Variants in LHFPL3 observed in about 807,000 individuals in gnomAD.
The protein encoded by LHFPL3 is LHFPL tetraspan subfamily member 3 protein.
In LHFPL3, 5 loss-of-function variants were observed where a neutral mutation model predicts 19.3. The observed-to-expected ratio is 0.26, with a 90% confidence interval of 0.14 to 0.54. LHFPL3 has a LOEUF of 0.54. LHFPL3 is among the 20% of genes least tolerant of loss of function. The pLI is 0.94. For synonymous variants in LHFPL3, 133 were observed against 126.2 expected, an observed-to-expected ratio of 1.05 and a Z score of -0.36; for missense variants, 249 against 307.4, an observed-to-expected ratio of 0.81 and a Z score of 1.42.
chr7:104,888,333 C>G (rs992663763), intron 2 of LHFPL3, among the ~76,000 whole-genome samples: 3 of 151,986 alleles, frequency 2.0e-5, no homozygotes, highest in Non-Finnish European at 4.4e-5. Flanking sequence ...AGTTTGGAAA[C>G]CAGCCTGGAC....
chr7:104,409,357 C>G (rs1025955458), intron 1 of LHFPL3, among the ~76,000 whole-genome samples: 1 of 151,284 alleles, frequency 6.6e-6, no homozygotes, highest in Non-Finnish European at 1.5e-5. Context: ...TGAAAGTTAT[C>G]AAGTCTTACA....
At chr7:104,479,878 A>C (rs180777042) in intron 1 of LHFPL3, among the ~76,000 whole-genome samples, 4 of 152,348 alleles carry the variant, frequency 2.6e-5, no homozygotes, top group African/African-American at 7.2e-5. Context: ...TTGGTGGAGC[A>C]GCTTATTCTT....
rs1562895151 is a variant in LHFPL3, at chr7:104,430,406, A to ATGTATATATATATATATATATG, written c.445+101183_445+101184insGTATATATATATATATATATGT. Among the ~76,000 whole-genome samples the ATGTATATATATATATATATATG allele has an allele frequency of 1.0e-3, 32 of 31,358 alleles. 1 individual carries two copies. The highest frequency in any genetic ancestry group is 0.011 in the Middle Eastern group (1 of 90). 20.6% of individuals were successfully genotyped at this position (31,358 alleles called of 152,430 possible). ...TACATATATATATATATATATATAC[A>ATGTATATATATATATATATATG]TATATATATATACATATATATATAT... On this transcript the variant is annotated intron_variant, in intron 1 of 2. Coordinates refer to ENST00000424859, the MANE Select transcript of LHFPL3 (RefSeq NM_199000.3).
chr7:104,827,655 G>C (rs1790851572), intron 2 of LHFPL3, among the ~76,000 whole-genome samples: 1 of 150,744 alleles, frequency 6.6e-6, no homozygotes, highest in African/African-American at 2.5e-5. Context: ...ATAAGAAGCT[G>C]ACCTTTCCAT....
intron 1 of LHFPL3, among the ~76,000 whole-genome samples, chr7:104,395,875 T>C (rs1325311309): frequency 6.6e-6 from 1 of 152,114 alleles, no homozygotes; most frequent in African/African-American, 2.4e-5. Flanking sequence ...AAAATAAAAC[T>C]TTCCTTTTTA....
At chr7:104,419,872 T>A (rs748028347) in intron 1 of LHFPL3, among the ~76,000 whole-genome samples, 1 of 152,178 alleles carries the variant, frequency 6.6e-6, no homozygotes, top group Non-Finnish European at 1.5e-5. Context: ...AAAGCAAATA[T>A]GCTGGATTGG....
At chr7:104,492,181 A>G (rs1183389534) in intron 1 of LHFPL3, among the ~76,000 whole-genome samples, 2 of 152,224 alleles carry the variant, frequency 1.3e-5, no homozygotes, top group Non-Finnish European at 2.9e-5. Flanking sequence ...TAACAATGCT[A>G]TTATGAATTG....
chr7:104,541,575 A>T (rs528192711), intron 1 of LHFPL3, among the ~76,000 whole-genome samples: 1 of 152,286 alleles, frequency 6.6e-6, no homozygotes, highest in South Asian at 2.1e-4. Flanking sequence ...TATGCTGCAG[A>T]AACAAGTCTC....
At chr7:104,886,962 G>C (rs1389526858) in intron 2 of LHFPL3, among the ~76,000 whole-genome samples, 2 of 152,198 alleles carry the variant, frequency 1.3e-5, no homozygotes, top group Admixed American at 6.5e-5. Context: ...GACTAATGTG[G>C]CTTCACAAAG....
intron 1 of LHFPL3, among the ~76,000 whole-genome samples, chr7:104,426,608 T>A (rs954367419): frequency 2.6e-5 from 4 of 152,158 alleles, no homozygotes; most frequent in Non-Finnish European, 5.9e-5. Flanking sequence ...ATAAATGAAG[T>A]CAGTGTTTAT....
chr7:104,430,454 A>ATACACATATATATATATATATATATTT (rs1562895362), intron 1 of LHFPL3, among the ~76,000 whole-genome samples: 1 of 15,294 alleles, frequency 6.5e-5, no homozygotes, highest in African/African-American at 2.7e-4. Flanking sequence ...ATATATATAT[A>ATACACATATATATATATATATATATTT]TTTTTTTTTT....
intron 2 of LHFPL3, among the ~76,000 whole-genome samples, chr7:104,865,241 T>C (rs1160634491): frequency 6.6e-6 from 1 of 151,534 alleles, no homozygotes; most frequent in Non-Finnish European, 1.5e-5. Flanking sequence ...CTTTGACGAG[T>C]TGAGAGAAGA....
intron 2 of LHFPL3, among the ~76,000 whole-genome samples, chr7:104,775,499 C>T (rs1453958030): frequency 6.6e-6 from 1 of 152,262 alleles, no homozygotes; most frequent in East Asian, 1.9e-4. Context: ...CATTTATGCC[C>T]AAATACCAAC....
chr7:104,452,724 T>C (rs1792465190), intron 1 of LHFPL3, among the ~76,000 whole-genome samples: 1 of 152,184 alleles, frequency 6.6e-6, no homozygotes, highest in African/African-American at 2.4e-5. Context: ...TTATAAAAGT[T>C]TCTTACATAG....
chr7:104,735,651 C>T (rs974326248), intron 1 of LHFPL3, among the ~76,000 whole-genome samples: 2 of 152,242 alleles, frequency 1.3e-5, no homozygotes, highest in African/African-American at 2.4e-5. Context: ...AATTCCCTGA[C>T]CCCTTGCACT....
At position 104,459,458 on chromosome 7, in the gene LHFPL3, C is replaced by T. The variant is rs916602; in HGVS notation, c.445+130234C>T. ...ATAAGATACATTGGCCAGGAATATT[C>T]GTGTGAGGAAATCAAAATTGATGGC... On this transcript the variant is annotated intron_variant, in intron 1 of 2. Coordinates refer to ENST00000424859, the MANE Select transcript of LHFPL3 (RefSeq NM_199000.3). Among the ~76,000 whole-genome samples, 211 of 152,260 alleles carry T rather than the reference C, an allele frequency of 1.4e-3. 1 individual carries two copies. The highest frequency in any genetic ancestry group is 4.5e-3 in the African/African-American group (188 of 41,552).
chr7:104,447,779 T>C (rs1003481187), intron 1 of LHFPL3, among the ~76,000 whole-genome samples: 5 of 152,122 alleles, frequency 3.3e-5, no homozygotes, highest in African/African-American at 1.2e-4. Context: ...GATTTTTTGT[T>C]TATTTTTTAA....
intron 1 of LHFPL3, among the ~76,000 whole-genome samples, chr7:104,342,305 T>G (rs1789973624): frequency 6.6e-6 from 1 of 152,130 alleles, no homozygotes; most frequent in African/African-American, 2.4e-5. Flanking sequence ...TTTTGAAAAT[T>G]TAAAAAGTAG....
intron 2 of LHFPL3, among the ~76,000 whole-genome samples, chr7:104,777,047 G>T (rs1025592581): frequency 6.6e-6 from 1 of 152,212 alleles, no homozygotes; most frequent in African/African-American, 2.4e-5. Context: ...CTCTAAGTAA[G>T]TGTCATGACC....
Sources: gnomAD v4.1 joint callset for allele counts (sites outside exome capture counted in the v4.1 genomes callset) on GRCh38, gnomAD v4.1.1 for gene constraint, MANE v1.5 for transcripts, NCBI Gene and HGNC (gene_info 2026-07-23, HGNC 2026-07-21) for gene names.